Variants in CLUAP1 observed in about 807,000 individuals in gnomAD.
CLUAP1 encodes the protein clusterin-associated protein 1.
CLUAP1 carries 50 observed loss-of-function variants against 55.0 expected under a neutral mutation model. The ratio of observed to expected loss-of-function variants is 0.91; its 90% CI spans 0.72 to 1.15. The LOEUF (loss-of-function observed/expected upper bound fraction) is 1.15. Among genes scored for constraint, CLUAP1 ranks in the 50% most tolerant of loss-of-function variants. The pLI is 0.00. For synonymous variants in CLUAP1, 195 were observed against 175.4 expected (o/e 1.11, Z -0.88); for missense variants, 530 against 507.6 (o/e 1.04, Z -0.42).
At chr16:3,527,405 G>A (rs2037966205) in intron 9 of CLUAP1, among the ~76,000 whole-genome samples, 1 of 152,058 alleles carries the variant, frequency 6.6e-6, no homozygotes, top group Non-Finnish European at 1.5e-5. Context: ...GCCCAGACAG[G>A]GCCACCAGAG....
chr16:3,501,181 C>T, intron 1 of CLUAP1, 92 bp downstream of exon 1: 8 of 1,345,260 alleles, frequency 5.9e-6, no homozygotes, highest in South Asian at 1.3e-5. Flanking sequence ...ATCCCTGAGG[C>T]TTGCGCTGCC....
chr16:3,495,497 A>G, the CLUAP1 span: 1 of 1,567,344 alleles, frequency 6.4e-7, no homozygotes, highest in South Asian at 1.2e-5. Context: ...CCTAGGGGGT[A>G]CATTGGCAGG....
At chr16:3,516,877 A>C (rs2037738557) in intron 6 of CLUAP1, among the ~76,000 whole-genome samples, 1 of 152,188 alleles carries the variant, frequency 6.6e-6, no homozygotes, top group Non-Finnish European at 1.5e-5. Flanking sequence ...AGTAAGGAAG[A>C]GTTCAAAGGA....
intron 11 of CLUAP1, chr16:3,535,807 T>C (rs564349363): frequency 3.5e-4 from 102 of 288,872 alleles, no homozygotes; most frequent in Non-Finnish European, 2.6e-5. Flanking sequence ...TTGCCATCTG[T>C]AGGGGGAGTC....
Position 3,512,391 on chromosome 16 carries a change from T to C in CLUAP1, c.408T>C (p.Asp136=), listed in dbSNP as rs1158245441. The change falls in exon 5 of 12, where the codon GAT becomes GAC. Residue 136 remains aspartate (D), a synonymous_variant. Transcript: ENST00000576634. ...FKFDLGSKIA[D]LKAARQLASE... is the part of the protein sequence containing the mutation. ...TGTTATTTTCCTTCCAGATTGCAGA[T>C]TTGAAGGCAGCCAGGCAGCTTGCGT... 1.2e-6 allele frequency: 2 copies of C among 1,613,592 alleles called. No individual in the cohort carries two copies. The highest frequency in any genetic ancestry group is 1.7e-6 in the Non-Finnish European group (2 of 1,179,554).
chr16:3,504,649 G>C, intron 1 of CLUAP1, 71 bp from the exon 2 acceptor site: 1 of 882,274 alleles, frequency 1.1e-6, no homozygotes, highest in Non-Finnish European at 1.9e-6. Flanking sequence ...GAAAAGTAAA[G>C]ACAATATCTA....
intron 8 of CLUAP1, among the ~76,000 whole-genome samples, 187 bp from the exon 9 acceptor site, chr16:3,526,225 G>C (rs2037940120): frequency 6.6e-6 from 1 of 152,234 alleles, no homozygotes; most frequent in African/African-American, 2.4e-5. Flanking sequence ...CAACCGCAGA[G>C]AGAAAGGGCA....
At chr16:3,515,168 C>T (rs955785100) in intron 5 of CLUAP1, among the ~76,000 whole-genome samples, 1 of 149,932 alleles carries the variant, frequency 6.7e-6, no homozygotes, top group Non-Finnish European at 1.5e-5. Context: ...GGAGTTTGAG[C>T]AACATAGTGA....
chr16:3,523,186 A>G lies in CLUAP1; in HGVS notation c.742A>G (p.Thr248Ala), dbSNP rs1360660020. The change falls in exon 8 of 12, where the codon ACT becomes GCT. Residue 248 changes from threonine (T) to alanine (A), a missense_variant. By Grantham distance (58) the Thr-to-Ala change is moderately conservative. Coordinates refer to ENST00000576634, the MANE Select transcript of CLUAP1 (RefSeq NM_015041.3). ...ATGTTTTATGGATGAGTATGAGAAG[A>G]CTGAGGAAGAATTACAAAAGCAGTA... ...RPCFMDEYEKTEEELQKQYDT... is the reference protein window; with the variant it reads ...RPCFMDEYEKAEEELQKQYDT... 4 of 1,613,394 alleles carry G rather than the reference A, an allele frequency of 2.5e-6. No individual in the cohort carries two copies. Among genetic ancestry groups the G allele is most frequent in the Non-Finnish European group, 3.4e-6 (4 of 1,179,792 alleles).
chr16:3,527,394 T>C (rs2037965893), intron 9 of CLUAP1, among the ~76,000 whole-genome samples: 1 of 152,110 alleles, frequency 6.6e-6, no homozygotes, highest in Admixed American at 6.5e-5. Flanking sequence ...CCTTCTGTTA[T>C]GCCCAGACAG....
At chr16:3,521,751 T>A (rs1287300085) in intron 7 of CLUAP1, among the ~76,000 whole-genome samples, 4 of 152,004 alleles carry the variant, frequency 2.6e-5, no homozygotes, top group Non-Finnish European at 5.9e-5. Flanking sequence ...AAAAAATTTT[T>A]TATCGTTTAA....
chr16:3,506,618 T>C (rs544421267), intron 3 of CLUAP1, among the ~76,000 whole-genome samples: 2 of 152,212 alleles, frequency 1.3e-5, no homozygotes, highest in East Asian at 3.9e-4. Flanking sequence ...TTCTCCTGTC[T>C]CAGCCTCCCG....
intron 4 of CLUAP1, 147 bp from the exon 5 acceptor site, chr16:3,512,236 C>T: frequency 3.5e-6 from 2 of 573,582 alleles, no homozygotes; most frequent in Admixed American, 2.8e-5. Flanking sequence ...GTGGTTCTGC[C>T]TATAATCCCA....
rs144151171 is a variant in CLUAP1 at position 3,510,151 on chromosome 16, C to T, written c.399+1683C>T. On this transcript the variant is annotated intron_variant, in intron 4 of 11. Coordinates refer to ENST00000576634, the MANE Select transcript of CLUAP1 (RefSeq NM_015041.3). ...CTGAGATTACAGGCATGCGCCACCA[C>T]ACCCAGCTAATTTTTTACTTGTAGT... 8.9e-3 allele frequency among the ~76,000 whole-genome samples: 1,354 copies of T among 152,320 alleles called. 20 individuals carry two copies. Among genetic ancestry groups the T allele is most frequent in the African/African-American group, 0.031 (1,292 of 41,562 alleles).
chr16:3,531,981 G>C (rs2151070820), intron 10 of CLUAP1, among the ~76,000 whole-genome samples: 1 of 152,154 alleles, frequency 6.6e-6, no homozygotes, highest in East Asian at 1.9e-4. Context: ...TGGGGTTACA[G>C]GCCCGTGCCA....
At chr16:3,495,581 G>C in the CLUAP1 span, 3 of 1,436,218 alleles carry the variant, frequency 2.1e-6, no homozygotes, top group Non-Finnish European at 1.8e-6. Flanking sequence ...GTTTGGGAGA[G>C]GACAGTGCCC....
At chr16:3,508,596 G>T in intron 4 of CLUAP1, 128 bp downstream of exon 4, 1 of 743,810 alleles carries the variant, frequency 1.3e-6, no homozygotes, top group East Asian at 3.2e-5. Flanking sequence ...TCAGTTTTGT[G>T]CTCATCAGCA....
At chr16:3,526,951 C>T (rs1289490395) in intron 9 of CLUAP1, among the ~76,000 whole-genome samples, 5 of 152,058 alleles carry the variant, frequency 3.3e-5, no homozygotes, top group East Asian at 1.9e-4. Context: ...GGAGAGGGGC[C>T]GCTCGCTTTG....
intron 10 of CLUAP1, 63 bp downstream of exon 10, chr16:3,530,738 G>T (rs1199351385): frequency 2.3e-6 from 3 of 1,323,686 alleles, no homozygotes; most frequent in Non-Finnish European, 3.2e-6. Context: ...ACCTGGCCAG[G>T]ACTGGGGCAG....
Sources: gnomAD v4.1 joint callset for allele counts (sites outside exome capture counted in the v4.1 genomes callset) on GRCh38, gnomAD v4.1.1 for gene constraint, MANE v1.5 for transcripts, NCBI Gene and HGNC (gene_info 2026-07-23, HGNC 2026-07-21) for gene names.